Variants in SEMA7A observed in about 807,000 individuals in gnomAD.
The protein encoded by SEMA7A is semaphorin 7A (JohnMiltonHagen blood group).
A neutral mutation model predicts 67.5 loss-of-function variants in SEMA7A; 21 were observed. The observed-to-expected ratio is 0.31, with a 90% CI of 0.22 to 0.45. The LOEUF is 0.45. Among genes scored for constraint, SEMA7A ranks in the 20% least tolerant of loss-of-function variants. SEMA7A has a pLI of 1.00. For missense variants in SEMA7A, 774 were observed against 908.6 expected, an observed-to-expected ratio of 0.85 and a Z score of 1.90; for synonymous variants, 364 against 368.5, an observed-to-expected ratio of 0.99 and a Z score of 0.14.
Position 74,411,702 on chromosome 15 carries a change from C to T in SEMA7A, c.1431G>A (p.Leu477=). The change falls in exon 12 of 14, where the codon CTG becomes CTA. Residue 477 remains leucine, a synonymous_variant. Coordinates refer to ENST00000261918, the MANE Select transcript of SEMA7A (RefSeq NM_003612.5). The surrounding 1 kb of genome is among the most constrained non-coding windows in gnomAD (Gnocchi z 4.4). ...TMSLDAERRK[L]YVSSQWEVSQ... The stretch of plus-strand genomic sequence containing the variant: ...TCACCTCCCACTGGGAGCTCACATA[C>T]AGCTTCCTCTGGAAGGACAGCAGGA... 1.2e-6 allele frequency: 2 copies of T among 1,613,218 alleles called. No individual in the cohort carries two copies. The highest frequency in any genetic ancestry group is 1.3e-5 in the African/African-American group (1 of 75,054).
Position 74,414,551 on chromosome 15 carries a change from A to T in SEMA7A, c.1290T>A (p.Thr430=). The part of the protein sequence containing the change: ...HGETFHVLYL[T]TDRGTIHKVV... Reference sequence around the variant, plus strand: ...GGTCCCGGGGTAGCCTCTCACCTGTAGTTAGGTAAAGCACATGAAAGGTCT... The same window carrying T: ...GGTCCCGGGGTAGCCTCTCACCTGTTGTTAGGTAAAGCACATGAAAGGTCT... Residue 430 remains threonine (T), a synonymous_variant, in exon 10 of 14, where the codon ACT becomes ACA. Coordinates refer to ENST00000261918, the MANE Select transcript of SEMA7A (RefSeq NM_003612.5). This position sits in a 1 kb window ranked among gnomAD's most constrained non-coding sequence, Gnocchi z 4.1. 6.2e-7 allele frequency: 1 copy of T among 1,614,096 alleles called. No homozygotes were observed. The highest frequency in any genetic ancestry group is 2.2e-5 in the East Asian group (1 of 44,888).
chr15:74,423,042 T>C lies in SEMA7A; in HGVS notation c.179-4090A>G, dbSNP rs1768623605. ...GCCTTGAATGTAACCTCAAGGAGCCTTTTGAAAGTGGGCAGAGAGTCAGGC... is the reference window on the plus strand; with the variant it reads ...GCCTTGAATGTAACCTCAAGGAGCCCTTTGAAAGTGGGCAGAGAGTCAGGC... On this transcript the variant is annotated intron_variant, in intron 1 of 13. Transcript: ENST00000261918. This position sits in a 1 kb window ranked among gnomAD's most constrained non-coding sequence, Gnocchi z 4.1. Among the ~76,000 whole-genome samples the C allele has an allele frequency of 6.6e-6, 1 of 152,120 alleles. No homozygotes were observed. Among genetic ancestry groups the C allele is most frequent in the Admixed American group, 6.5e-5 (1 of 15,282 alleles).
chr15:74,414,657 C>T lies in SEMA7A; in HGVS notation c.1184G>A (p.Gly395Glu). The T allele has an allele frequency of 6.2e-7, 1 of 1,614,130 alleles. No individual in the cohort carries two copies. The change falls in exon 10 of 14, where the codon GGG becomes GAG. Residue 395 changes from glycine to glutamate, a missense_variant. Around this residue, in one of 2 missense-constraint regions of SEMA7A, gnomAD observed 427 missense variants for 555.4 expected, o/e 0.77. Transcript: ENST00000261918. The surrounding 1 kb of genome is among the most constrained non-coding windows in gnomAD (Gnocchi z 4.1). ...PEVAQRVEPM[G>E]PLKTPLFHSK... ...GTGGAACAATGGCGTCTTCAGAGGCCCCATGGGCTCCACCCTCTGCGCCAC... is the reference window on the plus strand; with the variant it reads ...GTGGAACAATGGCGTCTTCAGAGGCTCCATGGGCTCCACCCTCTGCGCCAC...
At chr15:74,418,979 A>T in intron 1 of SEMA7A, 27 bp from the exon 2 acceptor site, 1 of 1,607,808 alleles carries the variant, frequency 6.2e-7, no homozygotes, top group African/African-American at 1.3e-5. Flanking sequence ...TAGTAGAAAC[A>T]TTGAAGCCAG....
At position 74,411,952 on chromosome 15, in the gene SEMA7A, T is replaced by G; in HGVS notation, c.1355A>C (p.Asn452Thr). Residue 452 changes from asparagine (N) to threonine (T), a missense_variant, in exon 11 of 14, where the codon AAC (asparagine) becomes ACC (threonine). By Grantham distance (65) the Asn-to-Thr change is moderately conservative (BLOSUM62 0). Transcript: ENST00000261918. The surrounding 1 kb of genome is among the most constrained non-coding windows in gnomAD (Gnocchi z 4.4). ...PGEQEHSFAF[N>T]IMEIQPFRRA... ...GCGGAAGGGCTGGATCTCCATGATG[T>G]TGAAGGCGAAGCTGTGCTCCTGCTC... 2 of 1,614,042 alleles carry G rather than the reference T, an allele frequency of 1.2e-6. No individual in the cohort carries two copies. The highest frequency in any genetic ancestry group is 1.7e-6 in the Non-Finnish European group (2 of 1,180,032).
chr15:74,416,480 C>G, intron 7 of SEMA7A, 95 bp downstream of exon 7: 1 of 1,372,096 alleles, frequency 7.3e-7, no homozygotes, highest in South Asian at 1.3e-5. Flanking sequence ...TACATCCACA[C>G]AACTTCTACA....
Position 74,433,752 on chromosome 15 carries a change from G to A in SEMA7A, c.167C>T (p.Ala56Val), listed in dbSNP as rs953141785. 11 of 1,444,684 alleles carry A rather than the reference G, an allele frequency of 7.6e-6. No homozygotes were observed. The highest frequency in any genetic ancestry group is 9.1e-6 in the Non-Finnish European group (10 of 1,104,684). 89.5% of individuals were successfully genotyped at this position (1,444,684 alleles called of 1,614,324 possible). A position where few individuals can be genotyped will look rare whatever the true frequency, so the allele number is the denominator to read the frequency against. ...GHLRSGPRIF[A>V]VWKGHVGQDR... ...GCGGCGCCGCCTACCTTTCCAGACGGCGAAGATGCGGGGTCCGCTCCTTAG... is the reference window on the plus strand; with the variant it reads ...GCGGCGCCGCCTACCTTTCCAGACGACGAAGATGCGGGGTCCGCTCCTTAG... The change falls in exon 1 of 14, where the codon GCC becomes GTC. Residue 56 changes from alanine to valine, a missense_variant. By Grantham distance (64) the Ala-to-Val change is moderately conservative. Around this residue, in one of 2 missense-constraint regions of SEMA7A, gnomAD observed 347 missense variants for 353.2 expected, o/e 0.98. Coordinates refer to ENST00000261918, the MANE Select transcript of SEMA7A (RefSeq NM_003612.5).
chr15:74,432,150 A>C (rs1227368112), intron 1 of SEMA7A, among the ~76,000 whole-genome samples: 1 of 152,060 alleles, frequency 6.6e-6, no homozygotes, highest in African/African-American at 2.4e-5. Flanking sequence ...GTCAAAATGC[A>C]AGGGGTTTGA....
At chr15:74,432,366 C>T (rs913035157) in intron 1 of SEMA7A, among the ~76,000 whole-genome samples, 1 of 152,084 alleles carries the variant, frequency 6.6e-6, no homozygotes, top group Non-Finnish European at 1.5e-5. Context: ...CAGCACTGCT[C>T]GGCTTCCTCC....
At chr15:74,419,009 T>G in intron 1 of SEMA7A, 57 bp from the exon 2 acceptor site, 1 of 1,575,302 alleles carries the variant, frequency 6.3e-7, no homozygotes, top group Non-Finnish European at 8.6e-7. Flanking sequence ...GAGAAGACTC[T>G]GGGTCCCCTC....
In SEMA7A at chr15:74,423,293, C is replaced by T. The variant is rs989920611; in HGVS notation, c.179-4341G>A. Among the ~76,000 whole-genome samples the T allele has an allele frequency of 1.3e-4, 20 of 152,154 alleles. No homozygotes were observed. The highest frequency in any genetic ancestry group is 1.3e-3 in the Admixed American group (20 of 15,282). On this transcript the variant is annotated intron_variant, in intron 1 of 13. Coordinates refer to ENST00000261918, the MANE Select transcript of SEMA7A (RefSeq NM_003612.5). This position sits in a 1 kb window ranked among gnomAD's most constrained non-coding sequence, Gnocchi z 4.1. ...GAAAAGAGAGTAGAGGGAAGGCCCA[C>T]GTGATGCCTAGGAATTAGCCTGCAG... is the stretch of plus-strand genomic sequence containing the variant.
intron 8 of SEMA7A, 57 bp downstream of exon 8, chr15:74,415,744 G>A: frequency 6.6e-7 from 1 of 1,523,720 alleles, no homozygotes; most frequent in Non-Finnish European, 8.9e-7. Context: ...AAGGCCTCCT[G>A]TCCCTACTGG....
chr15:74,419,589 G>A (rs1232387362), intron 1 of SEMA7A, among the ~76,000 whole-genome samples: 4 of 152,224 alleles, frequency 2.6e-5, no homozygotes, highest in Admixed American at 2.6e-4. Context: ...TTTCACAGAT[G>A]GGAAAACAGA....
chr15:74,417,568 C>G, intron 5 of SEMA7A, 23 bp downstream of exon 5: 2 of 1,604,410 alleles, frequency 1.2e-6, no homozygotes, highest in South Asian at 2.2e-5. Flanking sequence ...CCCCCTGGGG[C>G]GCCTGCTCCA....
chr15:74,415,840 C>G lies in SEMA7A; in HGVS notation c.947G>C (p.Trp316Ser). 1 of 1,613,980 alleles carries G rather than the reference C, an allele frequency of 6.2e-7. No homozygotes were observed. Among genetic ancestry groups the G allele is most frequent in the Non-Finnish European group, 8.5e-7 (1 of 1,179,916 alleles). ...AACACCATAGACCCTGGTGTCCCTC[C>G]ACTGGCCGCTGGGGTCAGGGAGCAG... Reference protein sequence around the residue: ...VFLLPDPSGQWRDTRVYGVFS... With the variant: ...VFLLPDPSGQSRDTRVYGVFS... Residue 316 changes from tryptophan to serine, a missense_variant, in exon 8 of 14, where the codon TGG becomes TCG. Coordinates refer to ENST00000261918, the MANE Select transcript of SEMA7A (RefSeq NM_003612.5).
At chr15:74,417,553 A>C in intron 5 of SEMA7A, 38 bp downstream of exon 5, 1 of 1,598,874 alleles carries the variant, frequency 6.3e-7, no homozygotes. Flanking sequence ...CCAGTTCAGA[A>C]GCATCCCCCT....
Position 74,411,760 on chromosome 15 carries a change from G to T in SEMA7A, c.1423-50C>A. 2 of 1,606,278 alleles carry T rather than the reference G, an allele frequency of 1.2e-6. No individual in the cohort carries two copies. The highest frequency in any genetic ancestry group is 1.7e-6 in the Non-Finnish European group (2 of 1,178,116). On this transcript the variant is annotated intron_variant, in intron 11 of 13. Coordinates refer to ENST00000261918, the MANE Select transcript of SEMA7A (RefSeq NM_003612.5). The surrounding 1 kb of genome is among the most constrained non-coding windows in gnomAD (Gnocchi z 4.4). ...AGGCCCGGGCCCCACCCCACACTCA[G>T]TCCTAAATGTCCAGGCCCTAAGGCC...
chr15:74,417,139 C>T (rs949925633), intron 6 of SEMA7A, among the ~76,000 whole-genome samples, 196 bp downstream of exon 6: 1 of 152,118 alleles, frequency 6.6e-6, no homozygotes, highest in African/African-American at 2.4e-5. Flanking sequence ...AGGGCTGGGC[C>T]CATCCCACTG....
intron 1 of SEMA7A, among the ~76,000 whole-genome samples, chr15:74,431,860 G>A (rs1567080590): frequency 1.3e-5 from 2 of 152,168 alleles, no homozygotes; most frequent in Admixed American, 6.5e-5. Flanking sequence ...ACTGGTGAAC[G>A]GTTGGCAGAC....
Sources: allele counts gnomAD v4.1 joint callset (sites outside exome capture counted in the v4.1 genomes callset), GRCh38; gene constraint gnomAD v4.1.1; regional missense constraint gnomAD v4.1.1; non-coding constraint Gnocchi (gnomAD v3.1); transcripts MANE v1.5; gene names NCBI Gene and HGNC (gene_info 2026-07-23, HGNC 2026-07-21).